GTF3C3: variants seen among roughly 807,000 people sequenced by gnomAD.
GTF3C3 encodes general transcription factor 3C polypeptide 3.
In GTF3C3, 75 loss-of-function variants were observed where a neutral mutation model predicts 105.2. That is an observed-to-expected ratio of 0.71 (90% CI 0.59 to 0.86). GTF3C3 has a LOEUF of 0.86. GTF3C3 is among the 40% of genes least tolerant of loss of function. GTF3C3 has a pLI of 0.00. For missense variants in GTF3C3, 856 were observed against 1,076.5 expected (o/e 0.80, Z 2.87); for synonymous variants, 335 against 370.4 (o/e 0.90, Z 1.10).
chr2:196,779,891 G>T (rs978236169), intron 9 of GTF3C3, among the ~76,000 whole-genome samples: 19 of 152,020 alleles, frequency 1.2e-4, no homozygotes, highest in African/African-American at 3.6e-4. Context: ...ATGTTGCCCA[G>T]GCTGGTCTTG....
intron 1 of GTF3C3, 31 bp downstream of exon 1, chr2:196,799,479 T>C: frequency 6.5e-7 from 1 of 1,537,966 alleles, no homozygotes; most frequent in Non-Finnish European, 9.0e-7. Context: ...GCAACAAGAG[T>C]GAAGGGCACC....
intron 6 of GTF3C3, 132 bp downstream of exon 6, chr2:196,789,072 C>G: frequency 1.3e-6 from 1 of 746,366 alleles, no homozygotes; most frequent in Non-Finnish European, 2.1e-6. Context: ...TCTCAATAAA[C>G]AAAACAATAA....
Position 196,784,976 on chromosome 2 carries a change from C to A in GTF3C3, c.1042-47G>T, listed in dbSNP as rs758383333. 14 of 1,243,714 alleles carry A rather than the reference C, an allele frequency of 1.1e-5. No homozygotes were observed. The African/African-American group carries it at 1.8e-4, about 16-fold the overall frequency. The allele number at this position is 1,243,714 out of a possible 1,614,324, so 77.0% of individuals were successfully genotyped here. A position where few individuals can be genotyped will look rare whatever the true frequency, so the allele number is the denominator to read the frequency against. ...AAGGAAATAAAATATGTGTGAAAAA[C>A]CATTTCATAATGCAAAGATTTGTAC... On this transcript the variant is annotated intron_variant, in intron 7 of 17. Transcript: ENST00000263956.
chr2:196,776,477 G>A lies in GTF3C3; in HGVS notation c.1543C>T (p.Pro515Ser). Residue 515 changes from proline (P) to serine (S), a missense_variant, in exon 11 of 18, where the codon CCA becomes TCA. Coordinates refer to ENST00000263956, the MANE Select transcript of GTF3C3 (RefSeq NM_012086.5). This position sits in a 1 kb window ranked among gnomAD's most constrained non-coding sequence, Gnocchi z 4.5. The stretch of plus-strand genomic sequence containing the variant: ...GCTAAAGTATCTGGATCATACATTG[G>A]TTCCAGAGCTTCCAGAGCTTTCTCA... ...QPEKALEALE[P>S]MYDPDTLAQD... 6.2e-7 allele frequency: 1 copy of A among 1,614,168 alleles called. No individual in the cohort carries two copies. The highest frequency in any genetic ancestry group is 8.5e-7 in the Non-Finnish European group (1 of 1,180,012).
In GTF3C3 at chr2:196,786,446, C is replaced by A. The variant is rs1021008626; in HGVS notation, c.894-858G>T. 6.6e-6 allele frequency among the ~76,000 whole-genome samples: 1 copy of A among 152,140 alleles called. No individual in the cohort carries two copies. The highest frequency in any genetic ancestry group is 1.5e-5 in the Non-Finnish European group (1 of 68,016). ...CCAAGAAAAGAGAATTAAATCAGAA[C>A]ATCCCACATATTTCCAGCACATCTA... On this transcript the variant is annotated intron_variant, in intron 6 of 17. Transcript: ENST00000263956. The surrounding 1 kb of genome is among the most constrained non-coding windows in gnomAD (Gnocchi z 4.2).
intron 9 of GTF3C3, among the ~76,000 whole-genome samples, chr2:196,779,468 G>T (rs528789943): frequency 6.6e-6 from 1 of 152,154 alleles, no homozygotes; most frequent in South Asian, 2.1e-4. Context: ...TAAAAACAGC[G>T]TTATATGGTC....
Position 196,766,559 on chromosome 2 carries a change from CA to C in GTF3C3, c.2538+5del. 1 of 1,599,454 alleles carries C rather than the reference CA, an allele frequency of 6.3e-7. No individual in the cohort carries two copies. The highest frequency in any genetic ancestry group is 8.5e-7 in the Non-Finnish European group (1 of 1,171,610). On this transcript the variant is annotated splice_donor_5th_base_variant and intron_variant, in intron 17 of 17. Coordinates refer to ENST00000263956, the MANE Select transcript of GTF3C3 (RefSeq NM_012086.5). The stretch of plus-strand genomic sequence containing the variant: ...GAAGTGTCTCAGTTTTAAAAATGCA[CA>C]ATACCTCTACCACAAGTGGAGGGAG...
rs769455256 is a variant in GTF3C3 at position 196,766,860 on chromosome 2, C to A, written c.2386-143G>T. 6.0e-3 allele frequency: 3,286 copies of A among 545,468 alleles called. 16 individuals are homozygous for A. The highest frequency in any genetic ancestry group is 8.5e-3 in the Non-Finnish European group (2,690 of 315,386). 33.8% of individuals were successfully genotyped at this position (545,468 alleles called of 1,614,324 possible). A position where few individuals can be genotyped will look rare whatever the true frequency, so the allele number is the denominator to read the frequency against. ...AGTGTCCTATTACTGTGTAGTATTACAGTGTAGTTAGGTGTCAACATTATA... is the reference window on the plus strand; with the variant it reads ...AGTGTCCTATTACTGTGTAGTATTAAAGTGTAGTTAGGTGTCAACATTATA... On this transcript the variant is annotated intron_variant, in intron 16 of 17. Coordinates refer to ENST00000263956, the MANE Select transcript of GTF3C3 (RefSeq NM_012086.5).
At chr2:196,785,658 G>A in intron 6 of GTF3C3, 70 bp from the exon 7 acceptor site, 2 of 902,716 alleles carry the variant, frequency 2.2e-6, no homozygotes, top group South Asian at 3.2e-5. Flanking sequence ...CCTTGCTTAG[G>A]CTATCTAACA....
At position 196,791,321 on chromosome 2, in the gene GTF3C3, T is replaced by C; in HGVS notation, c.535+16A>G. Reference sequence around the variant, plus strand: ...TATTAAACTGCTATTATTAACAAAGTCCCCACAGAAAACACCTTGTCTTAT... The same window carrying C: ...TATTAAACTGCTATTATTAACAAAGCCCCCACAGAAAACACCTTGTCTTAT... On this transcript the variant is annotated intron_variant, in intron 4 of 17. Transcript: ENST00000263956. The C allele has an allele frequency of 6.2e-7, 1 of 1,613,514 alleles. No homozygotes were observed. Among genetic ancestry groups the C allele is most frequent in the Non-Finnish European group, 8.5e-7 (1 of 1,179,570 alleles).
At position 196,796,195 on chromosome 2, in the gene GTF3C3, G is replaced by A. The variant is rs1699640637; in HGVS notation, c.214+1602C>T. Among the ~76,000 whole-genome samples, 3 of 152,154 alleles carry A rather than the reference G, an allele frequency of 2.0e-5. No individual in the cohort carries two copies. The South Asian group carries it at 6.2e-4, about 32-fold the overall frequency. ...ACCAAGAGTCTTGGTAGAGTTCTGG[G>A]ACAATTCCTTACTAGGAAATTAGGA... On this transcript the variant is annotated intron_variant, in intron 2 of 17. Transcript: ENST00000263956.
chr2:196,781,606 T>C (rs1050505877), intron 8 of GTF3C3, among the ~76,000 whole-genome samples: 1 of 151,584 alleles, frequency 6.6e-6, no homozygotes, highest in Non-Finnish European at 1.5e-5. Flanking sequence ...AGGATTTTGG[T>C]ATGAGGGGTG....
At chr2:196,777,842 A>G (rs193112978) in intron 10 of GTF3C3, 3 of 152,348 alleles carry the variant, frequency 2.0e-5, no homozygotes, top group East Asian at 1.9e-4. Flanking sequence ...TAGGATTTTT[A>G]AAGTATACAC....
At chr2:196,792,186 C>G (rs1298536954) in intron 3 of GTF3C3, among the ~76,000 whole-genome samples, 2 of 152,122 alleles carry the variant, frequency 1.3e-5, no homozygotes, top group African/African-American at 4.8e-5. Flanking sequence ...AAGACAGGGT[C>G]TCACTCTGTT....
intron 2 of GTF3C3, among the ~76,000 whole-genome samples, chr2:196,794,384 G>A (rs1004184936): frequency 6.6e-6 from 1 of 152,092 alleles, no homozygotes; most frequent in African/African-American, 2.4e-5. Context: ...AAAATTTTAA[G>A]TATATATAGA....
intron 2 of GTF3C3, among the ~76,000 whole-genome samples, chr2:196,796,708 C>T (rs552975402): frequency 7.2e-5 from 11 of 152,268 alleles, no homozygotes; most frequent in African/African-American, 1.7e-4. Context: ...TGTTTCCTCA[C>T]CCCCTTTTGT....
At chr2:196,770,177 T>C (rs934986302) in intron 15 of GTF3C3, 138 bp from the exon 16 acceptor site, 2 of 599,020 alleles carry the variant, frequency 3.3e-6, no homozygotes, top group African/African-American at 1.9e-5. Flanking sequence ...CAGAGACCTA[T>C]TAATTTGAAT....
At chr2:196,775,881 A>T in intron 12 of GTF3C3, 129 bp downstream of exon 12, 1 of 511,110 alleles carries the variant, frequency 2.0e-6, no homozygotes, top group Non-Finnish European at 3.5e-6. Context: ...TTTTGTTTTT[A>T]TCTTTCATTT....
intron 8 of GTF3C3, among the ~76,000 whole-genome samples, chr2:196,781,186 A>AT (rs1187785240): frequency 6.6e-6 from 1 of 150,980 alleles, no homozygotes; most frequent in Non-Finnish European, 1.5e-5. Context: ...TATAGAGGAC[A>AT]TCACAGATGT....
Sources: allele counts gnomAD v4.1 joint callset (sites outside exome capture counted in the v4.1 genomes callset), GRCh38; gene constraint gnomAD v4.1.1; non-coding constraint Gnocchi (gnomAD v3.1); transcripts MANE v1.5; gene names NCBI Gene and HGNC (gene_info 2026-07-23, HGNC 2026-07-21).